GFOD2: variants seen among roughly 807,000 people sequenced by gnomAD.
The protein encoded by GFOD2 is Gfo/Idh/MocA-like oxidoreductase domain containing 2, also known as glucose-fructose oxidoreductase domain-containing protein 2.
GFOD2 carries 9 observed loss-of-function variants against 24.6 expected under a neutral mutation model. That is an observed-to-expected ratio of 0.37 (90% CI 0.22 to 0.64). The LOEUF is 0.64. Ranked by LOEUF, GFOD2 falls within the 30% of genes least tolerant of loss-of-function variation. The pLI, the probability that GFOD2 is intolerant of heterozygous loss-of-function variation, is 0.65. For synonymous variants in GFOD2, 211 were observed against 224.8 expected, an observed-to-expected ratio of 0.94 and a Z score of 0.55; for missense variants, 476 against 532.5, an observed-to-expected ratio of 0.89 and a Z score of 1.04.
chr16:67,710,099 G>A (rs1210798898), intron 1 of GFOD2, among the ~76,000 whole-genome samples: 3 of 150,050 alleles, frequency 2.0e-5, no homozygotes, highest in Non-Finnish European at 3.0e-5. Context: ...TGTGAGCCAC[G>A]ACACCCAGCT....
chr16:67,674,866 C>T lies in GFOD2; in HGVS notation c.*289G>A, dbSNP rs2053170920. The stretch of plus-strand genomic sequence containing the variant: ...CTGCGGATCAGGCTGAAGGGCTCCC[C>T]AGGGTGAGCCTTTCCTGGTCCGACT... On this transcript the variant is annotated 3_prime_UTR_variant, in exon 3 of 3. Coordinates refer to ENST00000268797, the MANE Select transcript of GFOD2 (RefSeq NM_030819.4). 2.4e-6 allele frequency: 1 copy of T among 418,110 alleles called. No homozygotes were observed. Among genetic ancestry groups the T allele is most frequent in the South Asian group, 4.0e-5 (1 of 25,256 alleles). The allele number at this position is 418,110 out of a possible 1,614,324, so 25.9% of individuals were successfully genotyped here. A position where few individuals can be genotyped will look rare whatever the true frequency, so the allele number is the denominator to read the frequency against.
At chr16:67,691,517 CAAAAA>C (rs571514888) in intron 1 of GFOD2, among the ~76,000 whole-genome samples, 1 of 139,920 alleles carries the variant, frequency 7.1e-6, no homozygotes, top group Non-Finnish European at 1.5e-5. Context: ...GACCCCCCCC[CAAAAA>C]AAAAAAAATT....
At chr16:67,712,969 G>C (rs1480727700) in intron 1 of GFOD2, among the ~76,000 whole-genome samples, 1 of 128,292 alleles carries the variant, frequency 7.8e-6, no homozygotes, top group Non-Finnish European at 1.5e-5. Context: ...GCCTCTGCTG[G>C]GCGCTCAAGT....
chr16:67,693,031 A>G (rs1333152393), intron 1 of GFOD2, among the ~76,000 whole-genome samples: 3 of 151,948 alleles, frequency 2.0e-5, no homozygotes, highest in Non-Finnish European at 2.9e-5. Flanking sequence ...CTCTGTCTCA[A>G]AAACAAAAAC....
intron 2 of GFOD2, 154 bp downstream of exon 2, chr16:67,685,303 C>T: frequency 6.8e-7 from 1 of 1,464,864 alleles, no homozygotes; most frequent in Non-Finnish European, 9.0e-7. Context: ...TCATGCCCTC[C>T]CCAAGCACTG....
Position 67,685,608 on chromosome 16 carries a change from C to A in GFOD2, c.108G>T (p.Lys36Asn), listed in dbSNP as rs1167669804. ...CAAGCTGCTTCGCCTCCTCCTCAGT[C>A]TTCCCCCACAGGGCCTCAACAGTGA... ...EGFTVEALWG[K>N]TEEEAKQLAE... The change falls in exon 2 of 3, where the codon AAG becomes AAT. Residue 36 changes from lysine to asparagine, a missense_variant. By Grantham distance (94) the Lys-to-Asn change is moderately conservative (BLOSUM62 0). Coordinates refer to ENST00000268797, the MANE Select transcript of GFOD2 (RefSeq NM_030819.4). 1.2e-6 allele frequency: 2 copies of A among 1,614,204 alleles called. No individual in the cohort carries two copies. The highest frequency in any genetic ancestry group is 1.7e-6 in the Non-Finnish European group (2 of 1,180,046).
At chr16:67,686,942 T>C (rs1406726965) in intron 1 of GFOD2, among the ~76,000 whole-genome samples, 1 of 148,818 alleles carries the variant, frequency 6.7e-6, no homozygotes, top group East Asian at 2.0e-4. Context: ...AGGTCAGGAG[T>C]TCGAGACCAG....
intron 1 of GFOD2, among the ~76,000 whole-genome samples, chr16:67,710,113 T>A (rs1218646943): frequency 2.0e-5 from 3 of 151,364 alleles, no homozygotes; most frequent in Non-Finnish European, 4.4e-5. Context: ...CCCAGCTAAT[T>A]TTTTTTGTAT....
chr16:67,677,679 A>C (rs2053193246), intron 2 of GFOD2: 1 of 152,300 alleles, frequency 6.6e-6, no homozygotes, highest in Non-Finnish European at 1.5e-5. Context: ...TGGGTTAGGA[A>C]ACGAGACTGA....
intron 2 of GFOD2, chr16:67,682,267 A>G (rs375030033): frequency 1.3e-6 from 1 of 773,214 alleles, no homozygotes; most frequent in African/African-American, 1.9e-5. Flanking sequence ...CAAACTCCTG[A>G]CCTTGTGATC....
chr16:67,675,478 G>T lies in GFOD2; in HGVS notation c.835C>A (p.Leu279Met), dbSNP rs535706829. ...ACTGCCAGCGAGTCCCTCAAGAGCA[G>T]CTCCTCTTGCGTGGCAGAGTTCTTC... ...GQKNSATQEE[L>M]LLRDSLAVGA... The change falls in exon 3 of 3, where the codon CTG becomes ATG. Residue 279 changes from leucine to methionine, a missense_variant. Transcript: ENST00000268797. 1.1e-5 allele frequency: 17 copies of T among 1,612,114 alleles called. No homozygotes were observed. The highest frequency in any genetic ancestry group is 1.1e-5 in the Non-Finnish European group (13 of 1,180,026).
chr16:67,683,345 G>C, intron 2 of GFOD2: 2 of 1,223,584 alleles, frequency 1.6e-6, no homozygotes, highest in South Asian at 4.3e-5. Context: ...AGAAGACTGA[G>C]AGCCTCCAGA....
In GFOD2 at chr16:67,703,779, T is replaced by A. The variant is rs1482665135; in HGVS notation, c.-88+15384A>T. Among the ~76,000 whole-genome samples the A allele has an allele frequency of 2.6e-5, 4 of 152,224 alleles. No individual in the cohort carries two copies. The South Asian group carries it at 8.3e-4, about 32-fold the overall frequency. On this transcript the variant is annotated intron_variant, in intron 1 of 2. Coordinates refer to ENST00000268797, the MANE Select transcript of GFOD2 (RefSeq NM_030819.4). ...CCTCTGTTGCAGAGAAGAGCACCAT[T>A]AACTACAGGGGCTAGAGGCAGTGTA...
intron 1 of GFOD2, among the ~76,000 whole-genome samples, chr16:67,696,559 T>TAGA (rs1304830995): frequency 6.6e-6 from 1 of 151,952 alleles, no homozygotes; most frequent in Admixed American, 6.6e-5. Context: ...CTGCAAGCTC[T>TAGA]GCCTCCTGGA....
At chr16:67,701,402 C>T (rs774393292) in intron 1 of GFOD2, among the ~76,000 whole-genome samples, 11 of 152,156 alleles carry the variant, frequency 7.2e-5, no homozygotes, top group Non-Finnish European at 1.3e-4. Flanking sequence ...TATATCAACG[C>T]CAATGGATAC....
At chr16:67,691,295 C>T (rs2053310898) in intron 1 of GFOD2, among the ~76,000 whole-genome samples, 1 of 152,120 alleles carries the variant, frequency 6.6e-6, no homozygotes, top group Non-Finnish European at 1.5e-5. Context: ...GCAGCCTCAA[C>T]CTCACAGGCT....
chr16:67,698,423 G>A (rs575148661), intron 1 of GFOD2, among the ~76,000 whole-genome samples: 1 of 152,308 alleles, frequency 6.6e-6, no homozygotes, highest in South Asian at 2.1e-4. Flanking sequence ...TACACTGACT[G>A]TTTCCTGTCT....
intron 2 of GFOD2, among the ~76,000 whole-genome samples, chr16:67,679,397 C>A (rs1285831037): frequency 6.6e-6 from 1 of 151,878 alleles, no homozygotes; most frequent in East Asian, 2.0e-4. Context: ...CCATGCCCAG[C>A]TAAGTTTTTT....
At chr16:67,696,461 C>T (rs1041156496) in intron 1 of GFOD2, among the ~76,000 whole-genome samples, 1 of 151,644 alleles carries the variant, frequency 6.6e-6, no homozygotes, top group African/African-American at 2.4e-5. Context: ...TAGCTTAAAA[C>T]AACAGAATGG....
Sources: gnomAD v4.1 joint callset for allele counts (sites outside exome capture counted in the v4.1 genomes callset) on GRCh38, gnomAD v4.1.1 for gene constraint, MANE v1.5 for transcripts, NCBI Gene and HGNC (gene_info 2026-07-23, HGNC 2026-07-21) for gene names.